TP53BP1: variants seen among roughly 807,000 people sequenced by gnomAD.
TP53BP1 encodes tumor protein p53 binding protein 1.
Under a neutral mutation model 200.8 loss-of-function variants are expected in TP53BP1, and 61 were observed. The ratio of observed to expected loss-of-function variants is 0.30; its 90% CI spans 0.25 to 0.38. The LOEUF (loss-of-function observed/expected upper bound fraction) is 0.38, where lower values mean the gene tolerates loss of function less well. Among genes scored for constraint, TP53BP1 ranks in the 10% least tolerant of loss-of-function variants. The pLI is 1.00. For missense variants in TP53BP1, 2,144 were observed against 2,371.9 expected (o/e 0.90, Z 2.00); for synonymous variants, 822 against 844.3 (o/e 0.97, Z 0.46).
upstream of TP53BP1, among the ~76,000 whole-genome samples, chr15:43,494,214 A>C (rs2079165366): frequency 6.6e-6 from 1 of 152,190 alleles, no homozygotes; most frequent in African/African-American, 2.4e-5. Context: ...GGCATTCAAT[A>C]TGAGGCAGTT....
At position 43,406,602 on chromosome 15, in the gene TP53BP1, A is replaced by T. The variant is rs2044896240; in HGVS notation, c.*781T>A. 2.2e-6 allele frequency: 1 copy of T among 455,950 alleles called. No homozygotes were observed. Among genetic ancestry groups the T allele is most frequent in the African/African-American group, 2.0e-5 (1 of 50,076 alleles). The allele number at this position is 455,950 out of a possible 1,614,324, so 28.2% of individuals were successfully genotyped here. A position where few individuals can be genotyped will look rare whatever the true frequency, so the allele number is the denominator to read the frequency against. ...TATTTACTCTTTGACCCTTTACAGA[A>T]AAAAACCTTGTTGACCCCTGCTTTA... On this transcript the variant is annotated 3_prime_UTR_variant, in exon 28 of 28. Coordinates refer to ENST00000382044, the MANE Select transcript of TP53BP1 (RefSeq NM_001141980.3).
At chr15:43,432,746 T>C in intron 16 of TP53BP1, 69 bp from the exon 17 acceptor site, 1 of 1,486,050 alleles carries the variant, frequency 6.7e-7, no homozygotes, top group Non-Finnish European at 9.0e-7. Flanking sequence ...TGTGTGTGCG[T>C]GTGCATGTGT....
intron 11 of TP53BP1, among the ~76,000 whole-genome samples, chr15:43,467,194 C>A (rs572126301): frequency 6.6e-6 from 1 of 151,912 alleles, no homozygotes; most frequent in African/African-American, 2.4e-5. Flanking sequence ...GCCTCCTGAG[C>A]AGCTGGGACT....
At chr15:43,437,870 A>C (rs887361103) in intron 16 of TP53BP1, among the ~76,000 whole-genome samples, 1 of 152,200 alleles carries the variant, frequency 6.6e-6, no homozygotes, top group African/African-American at 2.4e-5. Context: ...AAATTGATAA[A>C]GAAAAAGATT....
chr15:43,431,759 A>G (rs1010866359), intron 17 of TP53BP1, among the ~76,000 whole-genome samples: 7 of 152,164 alleles, frequency 4.6e-5, no homozygotes, highest in Admixed American at 2.6e-4. Context: ...GAAATACACT[A>G]TTCTTCGTGC....
intron 10 of TP53BP1, among the ~76,000 whole-genome samples, chr15:43,473,680 C>T (rs577265107): frequency 3.3e-4 from 50 of 152,258 alleles, no homozygotes; most frequent in African/African-American, 1.2e-3. Context: ...GAGCTAGACA[C>T]AGGGTGCTGA....
chr15:43,505,961 C>G (rs1222740511), intron 1 of TP53BP1, among the ~76,000 whole-genome samples: 8 of 152,206 alleles, frequency 5.3e-5, no homozygotes, highest in Non-Finnish European at 1.2e-4. Context: ...GGGAAGGAAT[C>G]TGAGCTGTAT....
chr15:43,492,874 C>T (rs563598193), intron 1 of TP53BP1, among the ~76,000 whole-genome samples, 163 bp downstream of exon 1: 16 of 151,800 alleles, frequency 1.1e-4, no homozygotes, highest in African/African-American at 3.9e-4. Flanking sequence ...ACCACCAAGC[C>T]TTCTTAGCTA....
chr15:43,409,481 A>C, intron 25 of TP53BP1, 166 bp downstream of exon 25: 1 of 523,126 alleles, frequency 1.9e-6, no homozygotes, highest in South Asian at 3.3e-5. Flanking sequence ...TTCCCTATAC[A>C]CAACAAAAAT....
In TP53BP1 at chr15:43,420,441, G is replaced by A. The variant is rs2230450; in HGVS notation, c.4545C>T (p.Val1515=). Reference sequence around the variant, plus strand: ...AGAGCAATTTATACTTCCCAGCTCCGACATCTCGTGTGATTTTCCCAGAGT... The same window carrying A: ...AGAGCAATTTATACTTCCCAGCTCCAACATCTCGTGTGATTTTCCCAGAGT... ...YFYSGKITRD[V]GAGKYKLLFD... The change falls in exon 21 of 28, where the codon GTC becomes GTT. Residue 1515 remains valine (V), a synonymous_variant. Transcript: ENST00000382044. 6,580 of 1,614,058 alleles carry A rather than the reference G, an allele frequency of 4.1e-3. 156 individuals carry two copies. The African/African-American group carries it at 0.066, about 16-fold the overall frequency.
rs2045373827 is a variant in TP53BP1, at chr15:43,420,663, G to A, written c.4323C>T (p.Phe1441=). The part of the protein sequence containing the change: ...SPNLSPDDKS[F]SRVVPRVPDS... ...CTGGCACTCGGGGCACGACACGGCT[G>A]AAGGATTTATCATCTGGTGACAAGT... The change falls in exon 21 of 28, where the codon TTC becomes TTT. Residue 1441 remains phenylalanine (F), a synonymous_variant. Transcript: ENST00000382044. 3 of 1,614,218 alleles carry A rather than the reference G, an allele frequency of 1.9e-6. No individual in the cohort carries two copies. Among genetic ancestry groups the A allele is most frequent in the Admixed American group, 1.7e-5 (1 of 60,030 alleles).
chr15:43,416,477 AC>A (rs1459133141), intron 21 of TP53BP1, 61 bp from the exon 22 acceptor site: 2 of 1,520,558 alleles, frequency 1.3e-6, no homozygotes, highest in Admixed American at 3.7e-5. Flanking sequence ...GCACCCTCTC[AC>A]AAGGGCTCTG....
At chr15:43,433,595 T>C (rs2045720765) in intron 16 of TP53BP1, among the ~76,000 whole-genome samples, 1 of 152,218 alleles carries the variant, frequency 6.6e-6, no homozygotes, top group South Asian at 2.1e-4. Context: ...TCTGAATCAA[T>C]TAATTGCAAA....
chr15:43,438,079 A>C (rs777470472), intron 16 of TP53BP1, among the ~76,000 whole-genome samples: 26 of 152,250 alleles, frequency 1.7e-4, no homozygotes, highest in Non-Finnish European at 2.6e-4. Context: ...TGCTCACGGC[A>C]ACAGCCTTAA....
intron 16 of TP53BP1, 92 bp downstream of exon 16, chr15:43,438,232 T>G: frequency 5.4e-6 from 6 of 1,114,588 alleles, no homozygotes; most frequent in Non-Finnish European, 7.8e-6. Flanking sequence ...ACATGCCACA[T>G]TCAAACCACA....
At chr15:43,421,453 C>T (rs1482207690) in intron 19 of TP53BP1, among the ~76,000 whole-genome samples, 3 of 152,210 alleles carry the variant, frequency 2.0e-5, no homozygotes, top group Non-Finnish European at 4.4e-5. Flanking sequence ...GCTATGCCTT[C>T]TCCTCTACTT....
chr15:43,466,509 A>G (rs545953778), intron 11 of TP53BP1, among the ~76,000 whole-genome samples: 1 of 152,386 alleles, frequency 6.6e-6, no homozygotes, highest in African/African-American at 2.4e-5. Context: ...CTCAGTAATA[A>G]TCTAAACAAA....
chr15:43,484,695 T>C (rs2079020813), intron 4 of TP53BP1, among the ~76,000 whole-genome samples: 1 of 152,130 alleles, frequency 6.6e-6, no homozygotes, highest in Admixed American at 6.5e-5. Flanking sequence ...GAACTTGCCA[T>C]TCTCCATGCA....
intron 18 of TP53BP1, among the ~76,000 whole-genome samples, chr15:43,427,625 C>G (rs1275540567): frequency 6.6e-6 from 1 of 152,090 alleles, no homozygotes; most frequent in Admixed American, 6.6e-5. Context: ...CACAGGAAAG[C>G]GGGATGGGGT....
Sources: allele counts gnomAD v4.1 joint callset (sites outside exome capture counted in the v4.1 genomes callset), GRCh38; gene constraint gnomAD v4.1.1; transcripts MANE v1.5; gene names NCBI Gene and HGNC (gene_info 2026-07-23, HGNC 2026-07-21).